ABAT: variants seen among roughly 807,000 people sequenced by gnomAD.
ABAT encodes the protein 4-aminobutyrate aminotransferase, mitochondrial.
A neutral mutation model predicts 64.6 loss-of-function variants in ABAT; 45 were observed. The ratio of observed to expected loss-of-function variants is 0.70; its 90% CI spans 0.55 to 0.89. ABAT has a LOEUF of 0.89. Ranked by LOEUF, ABAT falls within the 40% of genes least tolerant of loss-of-function variation. The pLI is 0.00. For missense variants in ABAT, 633 were observed against 658.4 expected, an observed-to-expected ratio of 0.96 and a Z score of 0.42; for synonymous variants, 297 against 250.5, an observed-to-expected ratio of 1.19 and a Z score of -1.75.
intron 1 of ABAT, among the ~76,000 whole-genome samples, chr16:8,717,478 T>G (rs1449865903): frequency 2.0e-5 from 3 of 152,192 alleles, no homozygotes; most frequent in African/African-American, 4.8e-5. Flanking sequence ...TTTTGGGCAG[T>G]ACTGTCTTAG....
At chr16:8,780,451 G>C (rs893578803) in intron 15 of ABAT, 3 of 153,654 alleles carry the variant, frequency 2.0e-5, no homozygotes, top group Admixed American at 1.9e-4. Flanking sequence ...TTTTAAAAAT[G>C]AGAAAACGTG....
At chr16:8,709,884 C>T (rs973777555) in intron 1 of ABAT, among the ~76,000 whole-genome samples, 3 of 151,490 alleles carry the variant, frequency 2.0e-5, no homozygotes, top group African/African-American at 7.3e-5. Context: ...TACAGTGGCA[C>T]GGTAGCACAA....
At chr16:8,719,800 C>A (rs973002995) in intron 1 of ABAT, among the ~76,000 whole-genome samples, 1 of 152,110 alleles carries the variant, frequency 6.6e-6, no homozygotes, top group African/African-American at 2.4e-5. Context: ...AAGTTGTTCA[C>A]AATTTTTGTT....
chr16:8,703,607 T>C (rs2057874867), intron 1 of ABAT, among the ~76,000 whole-genome samples: 1 of 152,218 alleles, frequency 6.6e-6, no homozygotes, highest in Non-Finnish European at 1.5e-5. Context: ...GCTGACATGT[T>C]AGCAGAAAAA....
At position 8,763,193 on chromosome 16, in the gene ABAT, G is replaced by A. The variant is rs557219161; in HGVS notation, c.367-876G>A. On this transcript the variant is annotated intron_variant, in intron 6 of 15. Transcript: ENST00000268251. Reference sequence around the variant, plus strand: ...CATTTTCGGGCAGAGGCTACCTGGAGTATCTGACAGAGAGTGGCATCTAAA... The same window carrying A: ...CATTTTCGGGCAGAGGCTACCTGGAATATCTGACAGAGAGTGGCATCTAAA... Among the ~76,000 whole-genome samples the A allele has an allele frequency of 1.2e-4, 18 of 151,834 alleles. No homozygotes were observed. In the East Asian group the frequency reaches 2.3e-3, roughly 20 times the overall value.
chr16:8,680,302 T>C (rs9935902), intron 1 of ABAT, among the ~76,000 whole-genome samples: 72,322 of 152,162 alleles, frequency 0.48, 17,792 homozygotes, highest in East Asian at 0.77. Flanking sequence ...CTTAAATGCA[T>C]AGCACACTTC....
chr16:8,729,645 C>G (rs960811150), intron 1 of ABAT, among the ~76,000 whole-genome samples: 6 of 151,818 alleles, frequency 4.0e-5, no homozygotes, highest in African/African-American at 1.5e-4. Context: ...ACAGCGAGAC[C>G]CCTGTCTCTA....
chr16:8,715,856 A>G (rs1273390), intron 1 of ABAT, among the ~76,000 whole-genome samples: 67,077 of 151,982 alleles, frequency 0.44, 16,235 homozygotes, highest in African/African-American at 0.65. Flanking sequence ...GTAAGAGAAC[A>G]TTCTTGTTCT....
intron 1 of ABAT, among the ~76,000 whole-genome samples, chr16:8,707,078 G>A (rs972460244): frequency 6.6e-6 from 1 of 152,148 alleles, no homozygotes; most frequent in Non-Finnish European, 1.5e-5. Flanking sequence ...TGAAAGGCTG[G>A]GAGCCACCAC....
chr16:8,757,051 C>G (rs543657932), intron 5 of ABAT: 1 of 405,590 alleles, frequency 2.5e-6, no homozygotes, highest in Non-Finnish European at 4.8e-6. Context: ...AGATTTGACT[C>G]AGCCCATGGG....
intron 1 of ABAT, among the ~76,000 whole-genome samples, chr16:8,676,411 A>C (rs1441382526): frequency 6.6e-6 from 1 of 151,904 alleles, no homozygotes; most frequent in African/African-American, 2.4e-5. Context: ...TCACATTTAC[A>C]ATGGGGACTT....
intron 1 of ABAT, among the ~76,000 whole-genome samples, chr16:8,700,122 G>A (rs1028849860): frequency 2.6e-5 from 4 of 152,048 alleles, no homozygotes; most frequent in African/African-American, 4.8e-5. Flanking sequence ...TGCCCAGCCT[G>A]CAGTGAGTAG....
intron 2 of ABAT, among the ~76,000 whole-genome samples, chr16:8,744,904 G>A (rs1259595441): frequency 1.3e-5 from 2 of 152,124 alleles, no homozygotes; most frequent in East Asian, 1.9e-4. Context: ...ATTAATGGGT[G>A]CATAATATTC....
At position 8,720,501 on chromosome 16, in the gene ABAT, G is replaced by A. The variant is rs535020050; in HGVS notation, c.-41-15198G>A. Among the ~76,000 whole-genome samples the A allele has an allele frequency of 6.6e-5, 10 of 152,362 alleles. No individual in the cohort carries two copies. In the East Asian group the frequency reaches 1.9e-3, roughly 29 times the overall value. On this transcript the variant is annotated intron_variant, in intron 1 of 15. Coordinates refer to ENST00000268251, the MANE Select transcript of ABAT (RefSeq NM_020686.6). ...AGGAAGTCATGCCTGCAGGGAGAGA[G>A]GGCTGGGGCCCATGCGGAGGGGAAA...
Position 8,768,890 on chromosome 16 carries a change from A to G in ABAT, c.733A>G (p.Ile245Val), listed in dbSNP as rs775296444. The change falls in exon 11 of 16, where the codon ATC becomes GTC. Residue 245 changes from isoleucine to valine, a missense_variant. Transcript: ENST00000268251. ...KIDIPSFDWP[I>V]APFPRLKYPL... The stretch of plus-strand genomic sequence containing the variant: ...CGACATCCCTTCCTTTGACTGGCCC[A>G]TCGCACCGTTCCCACGGCTGAAATA... 24 of 1,614,084 alleles carry G rather than the reference A, an allele frequency of 1.5e-5. No individual in the cohort carries two copies. Among genetic ancestry groups the G allele is most frequent in the Non-Finnish European group, 2.0e-5 (24 of 1,180,046 alleles).
In ABAT at chr16:8,687,178, G is replaced by A. The variant is rs144150220; in HGVS notation, c.-42+12467G>A. 3.9e-3 allele frequency among the ~76,000 whole-genome samples: 591 copies of A among 152,224 alleles called. 3 individuals carry two copies. Among genetic ancestry groups the A allele is most frequent in the African/African-American group, 0.014 (564 of 41,534 alleles). On this transcript the variant is annotated intron_variant, in intron 1 of 15. Coordinates refer to ENST00000268251, the MANE Select transcript of ABAT (RefSeq NM_020686.6). ...CACATCTGGACGGAAAGTGTTTGCC[G>A]AGAGCACTTGGCCGCCTGCCCTCCC...
At chr16:8,717,789 T>A (rs1367187068) in intron 1 of ABAT, among the ~76,000 whole-genome samples, 1 of 152,312 alleles carries the variant, frequency 6.6e-6, no homozygotes, top group East Asian at 1.9e-4. Context: ...GAAGGACTAA[T>A]TTAAGAATTA....
chr16:8,681,354 G>T (rs1295315302), intron 1 of ABAT, among the ~76,000 whole-genome samples: 1 of 151,724 alleles, frequency 6.6e-6, no homozygotes, highest in African/African-American at 2.4e-5. Flanking sequence ...TTAAATATTT[G>T]CTCAGCTCCT....
At chr16:8,721,425 T>A (rs757957512) in intron 1 of ABAT, among the ~76,000 whole-genome samples, 6 of 152,190 alleles carry the variant, frequency 3.9e-5, no homozygotes, top group Non-Finnish European at 7.4e-5. Flanking sequence ...GGTGCCCAGG[T>A]CACACCTGTG....
Sources: allele counts gnomAD v4.1 joint callset (sites outside exome capture counted in the v4.1 genomes callset), GRCh38; gene constraint gnomAD v4.1.1; transcripts MANE v1.5; gene names NCBI Gene and HGNC (gene_info 2026-07-23, HGNC 2026-07-21).